CAMTA1: variants seen among roughly 807,000 people sequenced by gnomAD.
CAMTA1 encodes the protein calmodulin binding transcription activator 1.
CAMTA1 carries 27 observed loss-of-function variants against 170.9 expected under a neutral mutation model. The observed-to-expected ratio is 0.16, with a 90% CI of 0.12 to 0.22. The LOEUF is 0.22. Among genes scored for constraint, CAMTA1 ranks in the 10% least tolerant of loss-of-function variants. The pLI is 1.00. For missense variants in CAMTA1, 1,619 were observed against 2,217.2 expected (o/e 0.73, Z 5.42); for synonymous variants, 833 against 891.5 (o/e 0.93, Z 1.17).
intron 5 of CAMTA1, among the ~76,000 whole-genome samples, chr1:7,274,961 G>A (rs948383834): frequency 1.3e-5 from 2 of 151,998 alleles, no homozygotes; most frequent in Non-Finnish European, 2.9e-5. Context: ...GGCCAACATG[G>A]TGAAACCCCA....
At chr1:7,166,601 G>C (rs949661774) in intron 4 of CAMTA1, among the ~76,000 whole-genome samples, 6 of 151,980 alleles carry the variant, frequency 3.9e-5, no homozygotes, top group African/African-American at 1.5e-4. Context: ...TGGCCATTTG[G>C]GTTTCTTCTG....
chr1:7,570,738 T>C lies in CAMTA1; in HGVS notation c.511-69662T>C, dbSNP rs1047951045. On this transcript the variant is annotated intron_variant, in intron 6 of 22. Transcript: ENST00000303635. The surrounding 1 kb of genome is among the most constrained non-coding windows in gnomAD (Gnocchi z 4.3). ...TGGGACCCCTGCTTCCCCAGGTGGG[T>C]TTGAAGGGCCTCACCTCTGCTCTCC... Among the ~76,000 whole-genome samples the C allele has an allele frequency of 6.6e-6, 1 of 152,104 alleles. No homozygotes were observed. The highest frequency in any genetic ancestry group is 6.5e-5 in the Admixed American group (1 of 15,282).
intron 7 of CAMTA1, among the ~76,000 whole-genome samples, chr1:7,652,003 C>T (rs1254392936): frequency 2.6e-5 from 4 of 152,214 alleles, no homozygotes; most frequent in Non-Finnish European, 4.4e-5. Context: ...ACAGCCAAGA[C>T]GAAGCTGCCC....
chr1:6,894,498 A>T (rs979023417), intron 3 of CAMTA1, among the ~76,000 whole-genome samples: 1 of 152,358 alleles, frequency 6.6e-6, no homozygotes, highest in Non-Finnish European at 1.5e-5. Context: ...GAATTTAAAG[A>T]AATCCATCCC....
chr1:7,287,250 C>T (rs577866829), intron 5 of CAMTA1, among the ~76,000 whole-genome samples: 89 of 152,134 alleles, frequency 5.9e-4, no homozygotes, highest in African/African-American at 1.9e-3. Flanking sequence ...CCAAGGGCGC[C>T]CCTGTGTTCT....
intron 4 of CAMTA1, among the ~76,000 whole-genome samples, chr1:7,236,422 G>A (rs866064685): frequency 3.9e-5 from 6 of 152,180 alleles, no homozygotes; most frequent in South Asian, 2.1e-4. Context: ...TGCCATGGGC[G>A]GTTCTTGGGC....
chr1:7,145,256 C>T (rs1055799783), intron 4 of CAMTA1, among the ~76,000 whole-genome samples: 3 of 152,234 alleles, frequency 2.0e-5, no homozygotes, highest in South Asian at 2.1e-4. Flanking sequence ...CGCTCCTCTG[C>T]GGCTTATGTG....
In CAMTA1 at chr1:7,681,702, TACAAC is replaced by T. The variant is rs1311095085; in HGVS notation, c.2914+3971_2914+3975del. On this transcript the variant is annotated intron_variant, in intron 11 of 22. Transcript: ENST00000303635. This position sits in a 1 kb window ranked among gnomAD's most constrained non-coding sequence, Gnocchi z 4.6. ...TTATACCTGTGATAGGTCCTATGGA[TACAAC>T]AGCCAGGGCCGTGCTGAACTTCAAG... Among the ~76,000 whole-genome samples the T allele has an allele frequency of 6.6e-6, 1 of 152,212 alleles. No homozygotes were observed. Among genetic ancestry groups the T allele is most frequent in the Admixed American group, 6.5e-5 (1 of 15,288 alleles).
chr1:7,682,090 A>G lies in CAMTA1; in HGVS notation c.2914+4357A>G, dbSNP rs2096212100. Among the ~76,000 whole-genome samples, 1 of 150,062 alleles carries G rather than the reference A, an allele frequency of 6.7e-6. No individual in the cohort carries two copies. Among genetic ancestry groups the G allele is most frequent in the East Asian group, 2.0e-4 (1 of 5,062 alleles). The stretch of plus-strand genomic sequence containing the variant: ...GCAACTGAGCCTCCTTGCCTGGGTG[A>G]GAGGATTGGAGTGAGACCTGCGTGC... On this transcript the variant is annotated intron_variant, in intron 11 of 22. Transcript: ENST00000303635. This position sits in a 1 kb window ranked among gnomAD's most constrained non-coding sequence, Gnocchi z 5.0.
At chr1:7,246,061 C>G (rs565863460) in intron 4 of CAMTA1, among the ~76,000 whole-genome samples, 2 of 152,264 alleles carry the variant, frequency 1.3e-5, no homozygotes, top group East Asian at 3.9e-4. Flanking sequence ...CCATGAAATC[C>G]CTGTCTATCG....
intron 5 of CAMTA1, among the ~76,000 whole-genome samples, chr1:7,420,413 AG>A (rs2091484235): frequency 6.6e-6 from 1 of 152,090 alleles, no homozygotes; most frequent in African/African-American, 2.4e-5. Flanking sequence ...TCTCTCCACT[AG>A]AGTGGAGCTT....
chr1:7,689,975 T>C (rs563663793), intron 11 of CAMTA1, among the ~76,000 whole-genome samples: 1 of 152,162 alleles, frequency 6.6e-6, no homozygotes, highest in Admixed American at 6.5e-5. Context: ...TTGACCAACA[T>C]GGTGAAACCC....
intron 5 of CAMTA1, among the ~76,000 whole-genome samples, chr1:7,401,238 A>G (rs1268843763): frequency 6.6e-6 from 1 of 152,190 alleles, no homozygotes; most frequent in Non-Finnish European, 1.5e-5. Flanking sequence ...TGGGTATACA[A>G]ATTTTCAGTA....
intron 3 of CAMTA1, among the ~76,000 whole-genome samples, chr1:6,998,546 G>A (rs1315257844): frequency 6.6e-6 from 1 of 152,190 alleles, no homozygotes; most frequent in Non-Finnish European, 1.5e-5. Flanking sequence ...TCCCCAGGGA[G>A]ACCTGCCCTC....
At chr1:7,362,099 C>T (rs2085581878) in intron 5 of CAMTA1, among the ~76,000 whole-genome samples, 2 of 152,270 alleles carry the variant, frequency 1.3e-5, no homozygotes, top group South Asian at 4.1e-4. Flanking sequence ...TGCAAATGAT[C>T]CAGTGTCTTC....
chr1:7,308,880 A>G (rs1373089896), intron 5 of CAMTA1, among the ~76,000 whole-genome samples: 3 of 152,184 alleles, frequency 2.0e-5, no homozygotes, highest in Non-Finnish European at 2.9e-5. Context: ...ATTTCTGTCT[A>G]CTCATTCTAT....
At chr1:7,408,840 A>T (rs1176665243) in intron 5 of CAMTA1, among the ~76,000 whole-genome samples, 1 of 152,136 alleles carries the variant, frequency 6.6e-6, no homozygotes, top group Non-Finnish European at 1.5e-5. Context: ...TCTGGCACTC[A>T]TTGGCAGCAG....
chr1:7,493,686 A>G (rs547745682), intron 6 of CAMTA1, among the ~76,000 whole-genome samples: 8 of 149,974 alleles, frequency 5.3e-5, no homozygotes, highest in Non-Finnish European at 1.0e-4. Context: ...CCTTGAGGGG[A>G]CATTGCCCAC....
intron 5 of CAMTA1, among the ~76,000 whole-genome samples, chr1:7,425,714 G>A (rs570528232): frequency 8.4e-4 from 128 of 151,802 alleles, no homozygotes; most frequent in Middle Eastern, 3.4e-3. Flanking sequence ...GAGCCCTTCT[G>A]GGACTGGCAG....
Sources: gnomAD v4.1 joint callset for allele counts (sites outside exome capture counted in the v4.1 genomes callset) on GRCh38, gnomAD v4.1.1 for gene constraint, Gnocchi (gnomAD v3.1) non-coding constraint, MANE v1.5 for transcripts, NCBI Gene and HGNC (gene_info 2026-07-23, HGNC 2026-07-21) for gene names.